SNX25: variants seen among roughly 807,000 people sequenced by gnomAD.
SNX25 encodes sorting nexin 25.
A neutral mutation model predicts 113.7 loss-of-function variants in SNX25; 62 were observed. The observed-to-expected ratio is 0.55, with a 90% confidence interval of 0.44 to 0.67. SNX25 has a LOEUF of 0.67. Ranked by LOEUF, SNX25 falls within the 30% of genes least tolerant of loss-of-function variation. SNX25 has a pLI of 0.00. For missense variants in SNX25, 1,014 were observed against 1,161.0 expected, an observed-to-expected ratio of 0.87 and a Z score of 1.84; for synonymous variants, 421 against 436.2, an observed-to-expected ratio of 0.97 and a Z score of 0.43.
At chr4:185,367,449 C>T (rs1487466277), downstream of SNX25, among the ~76,000 whole-genome samples, 1 of 152,054 alleles carries the variant, frequency 6.6e-6, no homozygotes, top group Non-Finnish European at 1.5e-5. Context: ...ATGTTATTCT[C>T]ATTTGAAAGA....
chr4:185,321,179 C>T lies in SNX25; in HGVS notation c.1476+315C>T, dbSNP rs1561010162. Among the ~76,000 whole-genome samples, 2 of 151,868 alleles carry T rather than the reference C, an allele frequency of 1.3e-5. 1 individual carries two copies. Among genetic ancestry groups the T allele is most frequent in the East Asian group, 3.9e-4 (2 of 5,190 alleles). ...CACATTACTATTATAATGAATTTGGCCCCCTCACCTACACTTCAGTCTCAT... is the reference window on the plus strand; with the variant it reads ...CACATTACTATTATAATGAATTTGGTCCCCTCACCTACACTTCAGTCTCAT... On this transcript the variant is annotated intron_variant, in intron 8 of 18. Transcript: ENST00000652585.
intron 12 of SNX25, among the ~76,000 whole-genome samples, chr4:185,342,806 G>A (rs1243044427): frequency 6.6e-6 from 1 of 152,198 alleles, no homozygotes; most frequent in Non-Finnish European, 1.5e-5. Context: ...ACAGCCTCTA[G>A]AACCAGACTG....
chr4:185,233,932 A>G (rs1742227276), intron 1 of SNX25, among the ~76,000 whole-genome samples: 1 of 152,084 alleles, frequency 6.6e-6, no homozygotes, highest in Non-Finnish European at 1.5e-5. Flanking sequence ...ATCTTGGCTC[A>G]CTGTAAACTC....
At chr4:185,341,463 T>G (rs886095246) in intron 11 of SNX25, among the ~76,000 whole-genome samples, 4 of 152,342 alleles carry the variant, frequency 2.6e-5, no homozygotes, top group Admixed American at 1.3e-4. Context: ...TGTAACACAT[T>G]TCATGCTTAA....
At chr4:185,224,416 TAA>T (rs1199340882) in intron 1 of SNX25, among the ~76,000 whole-genome samples, 4 of 143,198 alleles carry the variant, frequency 2.8e-5, no homozygotes, top group Non-Finnish European at 6.1e-5. Context: ...TATAGATATA[TAA>T]AAATATATAA....
chr4:185,252,302 C>G (rs897842450), intron 2 of SNX25, among the ~76,000 whole-genome samples: 1 of 152,092 alleles, frequency 6.6e-6, no homozygotes, highest in Admixed American at 6.6e-5. Flanking sequence ...TTATAATTTG[C>G]ATCTCTGGAG....
At chr4:185,297,733 G>A (rs1753035497) in intron 6 of SNX25, among the ~76,000 whole-genome samples, 1 of 152,138 alleles carries the variant, frequency 6.6e-6, no homozygotes. Flanking sequence ...CACGTGGTAG[G>A]GTGGAGTGGG....
In SNX25 at chr4:185,363,298, G is replaced by T. The variant is rs373715684; in HGVS notation, c.2935-87G>T. On this transcript the variant is annotated intron_variant, in intron 18 of 18. Transcript: ENST00000652585. The surrounding 1 kb of genome is among the most constrained non-coding windows in gnomAD (Gnocchi z 4.2). ...TGAGATAATTTCAGACCTAAAATTA[G>T]ACTTTTCTCTTAGATGCAGATATTT... 1 of 1,262,748 alleles carries T rather than the reference G, an allele frequency of 7.9e-7. No individual in the cohort carries two copies. 78.2% of individuals were successfully genotyped at this position (1,262,748 alleles called of 1,614,324 possible).
At chr4:185,356,654 A>C (rs188912254) in intron 15 of SNX25, among the ~76,000 whole-genome samples, 12 of 152,252 alleles carry the variant, frequency 7.9e-5, no homozygotes, top group African/African-American at 2.6e-4. Context: ...TGTGTTTTCT[A>C]TGATTTCTAT....
intron 7 of SNX25, among the ~76,000 whole-genome samples, chr4:185,319,252 C>T (rs2095101026): frequency 7.2e-6 from 1 of 138,954 alleles, no homozygotes; most frequent in African/African-American, 2.7e-5. Flanking sequence ...GGCTGGAGTG[C>T]AATGGTGCAA....
At chr4:185,345,850 T>C (rs1438099544) in intron 12 of SNX25, among the ~76,000 whole-genome samples, 1 of 151,750 alleles carries the variant, frequency 6.6e-6, no homozygotes, top group Non-Finnish European at 1.5e-5. Flanking sequence ...TTTGTTCCCA[T>C]TGTTTTCTTT....
chr4:185,211,656 T>C (rs564107192), intron 1 of SNX25, among the ~76,000 whole-genome samples: 6 of 152,316 alleles, frequency 3.9e-5, no homozygotes, highest in African/African-American at 1.2e-4. Context: ...CACATAAATA[T>C]CCTGCTCTCT....
downstream of SNX25, chr4:185,370,852 A>C: frequency 2.5e-6 from 4 of 1,604,650 alleles, no homozygotes; most frequent in Non-Finnish European, 2.6e-6. Flanking sequence ...AAAAGACATC[A>C]GTTATGGTAA....
chr4:185,363,510 ACATGAAACATTTTCCTCTTTTC>A lies in SNX25; in HGVS notation c.*48_*69del. On this transcript the variant is annotated 3_prime_UTR_variant, in exon 19 of 19. Transcript: ENST00000652585. The surrounding 1 kb of genome is among the most constrained non-coding windows in gnomAD (Gnocchi z 4.2). ...CAGAAAAATGTCTGTGTAATAATAG[ACATGAAACATTTTCCTCTTTTC>A]CACAGAGGGCTTAACTGAGAACCGT... The A allele has an allele frequency of 6.4e-7, 1 of 1,572,922 alleles. No individual in the cohort carries two copies. Among genetic ancestry groups the A allele is most frequent in the Non-Finnish European group, 8.7e-7 (1 of 1,143,292 alleles).
chr4:185,367,133 A>G (rs951857294), downstream of SNX25: 2 of 1,465,514 alleles, frequency 1.4e-6, no homozygotes, highest in African/African-American at 2.8e-5. Flanking sequence ...AAATACACAC[A>G]TTGTGAGGTG....
chr4:185,329,552 G>A (rs1398493739), intron 9 of SNX25, among the ~76,000 whole-genome samples: 1 of 152,190 alleles, frequency 6.6e-6, no homozygotes, highest in Non-Finnish European at 1.5e-5. Context: ...CCTGACTTTC[G>A]TGGGTACCGC....
Position 185,332,706 on chromosome 4 carries a change from T to C in SNX25, c.1861T>C (p.Tyr621His). The C allele has an allele frequency of 6.2e-7, 1 of 1,614,040 alleles. No individual in the cohort carries two copies. The change falls in exon 10 of 19, where the codon TAT (tyrosine) becomes CAT (histidine). Residue 621 changes from tyrosine (Y) to histidine (H), a missense_variant. Physicochemically the swap from Tyr to His is moderately conservative, Grantham distance 83 (BLOSUM62 2). Coordinates refer to ENST00000652585, the MANE Select transcript of SNX25 (RefSeq NM_001378034.2). ...KLRELNEKLEYKRQALNSIQN... is the reference protein window; with the variant it reads ...KLRELNEKLEHKRQALNSIQN... ...GCGAGAACTAAATGAGAAACTTGAA[T>C]ATAAAAGGCAAGCTCTAAATTCTAT...
intron 5 of SNX25, among the ~76,000 whole-genome samples, chr4:185,273,332 G>C (rs1749217989): frequency 6.6e-6 from 1 of 152,202 alleles, no homozygotes; most frequent in African/African-American, 2.4e-5. Context: ...GAGCGCAGTG[G>C]TGCAATCACA....
downstream of SNX25, among the ~76,000 whole-genome samples, chr4:185,368,886 C>G (rs922968777): frequency 2.0e-5 from 3 of 150,202 alleles, no homozygotes; most frequent in African/African-American, 7.4e-5. Flanking sequence ...CTCCTCCTTG[C>G]AGGTTCAAGC....
Sources: allele counts gnomAD v4.1 joint callset (sites outside exome capture counted in the v4.1 genomes callset), GRCh38; gene constraint gnomAD v4.1.1; non-coding constraint Gnocchi (gnomAD v3.1); transcripts MANE v1.5; gene names NCBI Gene and HGNC (gene_info 2026-07-23, HGNC 2026-07-21).